Variants in WDR59 observed in about 807,000 individuals in gnomAD.
The protein encoded by WDR59 is GATOR2 complex protein WDR59.
In WDR59, 100 loss-of-function variants were observed where a neutral mutation model predicts 131.2. The observed-to-expected ratio is 0.76, with a 90% CI of 0.65 to 0.90. The LOEUF is 0.90. Ranked by LOEUF, WDR59 falls within the 40% of genes least tolerant of loss-of-function variation. The pLI is 0.00. For missense variants in WDR59, 1,203 were observed against 1,262.2 expected, an observed-to-expected ratio of 0.95 and a Z score of 0.71; for synonymous variants, 601 against 466.2, an observed-to-expected ratio of 1.29 and a Z score of -3.72.
At chr16:74,956,219 G>A (rs1001654673) in intron 3 of WDR59, among the ~76,000 whole-genome samples, 2 of 152,144 alleles carry the variant, frequency 1.3e-5, no homozygotes, top group African/African-American at 4.8e-5. Flanking sequence ...TCACAGAAAT[G>A]GATGCATCTG....
chr16:74,982,066 G>A (rs1223790711), intron 1 of WDR59, among the ~76,000 whole-genome samples: 1 of 146,272 alleles, frequency 6.8e-6, no homozygotes, highest in Non-Finnish European at 1.5e-5. Flanking sequence ...GACCACCTGG[G>A]CAAGATACAG....
intron 7 of WDR59, among the ~76,000 whole-genome samples, chr16:74,939,663 T>G (rs1326827673): frequency 6.6e-6 from 1 of 152,168 alleles, no homozygotes; most frequent in African/African-American, 2.4e-5. Flanking sequence ...ATGTATTACT[T>G]CCATAATTAG....
chr16:74,907,776 T>C (rs4887791), intron 17 of WDR59, among the ~76,000 whole-genome samples: 55,250 of 152,072 alleles, frequency 0.36, 10,047 homozygotes, highest in Middle Eastern at 0.4. Flanking sequence ...ACAGGAAACA[T>C]GGAGCACTTC....
intron 10 of WDR59, among the ~76,000 whole-genome samples, chr16:74,918,636 G>C (rs182155848): frequency 6.6e-6 from 1 of 152,138 alleles, no homozygotes; most frequent in African/African-American, 2.4e-5. Context: ...ATCCTGAAAA[G>C]GTTCAGGGTG....
chr16:74,978,683 G>C lies in WDR59; in HGVS notation c.54+6281C>G, dbSNP rs184661442. On this transcript the variant is annotated intron_variant, in intron 1 of 25. Transcript: ENST00000262144. ...CGTTCTACATCATGATTACGGCAGT[G>C]GTTACATGACTACATCCATTTGTCA... Among the ~76,000 whole-genome samples, 553 of 152,184 alleles carry C rather than the reference G, an allele frequency of 3.6e-3. 5 individuals carry two copies. Among genetic ancestry groups the C allele is most frequent in the African/African-American group, 0.013 (521 of 41,542 alleles).
intron 8 of WDR59, among the ~76,000 whole-genome samples, chr16:74,926,660 A>C (rs982774147): frequency 2.6e-5 from 4 of 152,242 alleles, no homozygotes; most frequent in Non-Finnish European, 5.9e-5. Context: ...AAAATCTCTT[A>C]CTAAACTTTA....
chr16:74,901,460 A>G (rs553868507), intron 18 of WDR59, among the ~76,000 whole-genome samples: 96 of 152,102 alleles, frequency 6.3e-4, no homozygotes, highest in South Asian at 4.8e-3. Flanking sequence ...ACATAGCGGG[A>G]CCCCAGCTCT....
chr16:74,960,378 A>G (rs971228296), intron 2 of WDR59, among the ~76,000 whole-genome samples: 1 of 152,112 alleles, frequency 6.6e-6, no homozygotes, highest in Non-Finnish European at 1.5e-5. Context: ...GGCAAAACTG[A>G]CGAGGCCAGA....
chr16:74,876,940 C>T (rs755239143), intron 25 of WDR59, among the ~76,000 whole-genome samples: 17 of 152,044 alleles, frequency 1.1e-4, no homozygotes, highest in Non-Finnish European at 1.9e-4. Context: ...ATCCACTAAT[C>T]GTGCCGGTCG....
intron 25 of WDR59, among the ~76,000 whole-genome samples, chr16:74,878,376 G>A (rs184430674): frequency 7.2e-5 from 11 of 152,258 alleles, no homozygotes; most frequent in Admixed American, 4.6e-4. Context: ...GTACTTGGCC[G>A]GGTGCCGTGG....
intron 25 of WDR59, among the ~76,000 whole-genome samples, chr16:74,881,311 T>G (rs185903518): frequency 6.6e-6 from 1 of 152,156 alleles, no homozygotes; most frequent in Non-Finnish European, 1.5e-5. Context: ...GCCTTTCCAG[T>G]GCAAAGAGAA....
intron 1 of WDR59, among the ~76,000 whole-genome samples, chr16:74,970,158 T>C (rs1482269363): frequency 6.6e-6 from 1 of 152,090 alleles, no homozygotes; most frequent in Non-Finnish European, 1.5e-5. Flanking sequence ...CTCCTTTCCC[T>C]ATTGTTAATT....
chr16:74,926,395 G>A (rs1335115605), intron 8 of WDR59, among the ~76,000 whole-genome samples: 1 of 152,106 alleles, frequency 6.6e-6, no homozygotes, highest in African/African-American at 2.4e-5. Context: ...GGAAAGAGAA[G>A]GGATGAAACA....
chr16:74,945,566 T>C (rs1430294450), intron 6 of WDR59, among the ~76,000 whole-genome samples: 3 of 152,074 alleles, frequency 2.0e-5, no homozygotes, highest in African/African-American at 7.2e-5. Flanking sequence ...TGTATTTCTA[T>C]TCAGTTATAC....
intron 14 of WDR59, 146 bp downstream of exon 14, chr16:74,912,052 G>T (rs1420645605): frequency 9.1e-7 from 1 of 1,097,338 alleles, no homozygotes; most frequent in Non-Finnish European, 1.3e-6. Flanking sequence ...TAAATGGCAA[G>T]TTCAGAGGTT....
Position 74,923,320 on chromosome 16 carries a change from A to G in WDR59, c.729+606T>C, listed in dbSNP as rs79064049. Among the ~76,000 whole-genome samples, 9 of 152,068 alleles carry G rather than the reference A, an allele frequency of 5.9e-5. No homozygotes were observed. In the East Asian group the frequency reaches 1.7e-3, roughly 29 times the overall value. On this transcript the variant is annotated intron_variant, in intron 9 of 25. Coordinates refer to ENST00000262144, the MANE Select transcript of WDR59 (RefSeq NM_030581.4). ...TAAAGCCAGAGTTCCTTCCACCACAATTCACAGACCTCAAGCCTCCTGACC... is the reference window on the plus strand; with the variant it reads ...TAAAGCCAGAGTTCCTTCCACCACAGTTCACAGACCTCAAGCCTCCTGACC...
chr16:74,979,306 A>T (rs2048480461), intron 1 of WDR59, among the ~76,000 whole-genome samples: 1 of 151,654 alleles, frequency 6.6e-6, no homozygotes, highest in South Asian at 2.1e-4. Context: ...CTACTAAAAA[A>T]TACAAAAAAA....
chr16:74,890,911 C>T (rs1053446545), intron 20 of WDR59, among the ~76,000 whole-genome samples: 2 of 151,768 alleles, frequency 1.3e-5, no homozygotes, highest in Non-Finnish European at 2.9e-5. Flanking sequence ...GTCAGGAGTA[C>T]GAGACCAGCC....
chr16:74,876,200 A>G (rs1964203997), intron 25 of WDR59, among the ~76,000 whole-genome samples: 1 of 152,212 alleles, frequency 6.6e-6, no homozygotes, highest in Admixed American at 6.5e-5. Context: ...ACCTAAGGGC[A>G]TATTTTATGA....
Sources: allele counts gnomAD v4.1 joint callset (sites outside exome capture counted in the v4.1 genomes callset), GRCh38; gene constraint gnomAD v4.1.1; transcripts MANE v1.5; gene names NCBI Gene and HGNC (gene_info 2026-07-23, HGNC 2026-07-21).